RBFOX1: variants seen among roughly 807,000 people sequenced by gnomAD.
RBFOX1 encodes the protein RNA binding fox-1 homolog 1.
A neutral mutation model predicts 57.7 loss-of-function variants in RBFOX1; 8 were observed. The observed-to-expected ratio is 0.14, with a 90% CI of 0.08 to 0.25. The LOEUF is 0.25. RBFOX1 is among the 10% of genes least tolerant of loss of function. The pLI, the probability that RBFOX1 is intolerant of heterozygous loss-of-function variation, is 1.00. For synonymous variants in RBFOX1, 326 were observed against 222.4 expected (o/e 1.47, Z -4.15); for missense variants, 611 against 548.5 (o/e 1.11, Z -1.14).
At chr16:7,281,939 C>T (rs891010866) in intron 4 of RBFOX1, among the ~76,000 whole-genome samples, 3 of 152,166 alleles carry the variant, frequency 2.0e-5, no homozygotes, top group Admixed American at 6.5e-5. Context: ...AATTATAGCT[C>T]ACTGCAACCT....
At chr16:6,826,482 T>A (rs1028035320) in intron 3 of RBFOX1, among the ~76,000 whole-genome samples, 2 of 152,124 alleles carry the variant, frequency 1.3e-5, no homozygotes, top group Admixed American at 6.5e-5. Flanking sequence ...GAAAATAACC[T>A]AGAACAGTGC....
At chr16:6,597,339 A>G (rs970341071) in intron 2 of RBFOX1, among the ~76,000 whole-genome samples, 3 of 152,030 alleles carry the variant, frequency 2.0e-5, no homozygotes, top group Non-Finnish European at 4.4e-5. Context: ...TCCATTATCC[A>G]TCTGGATAAG....
intron 2 of RBFOX1, among the ~76,000 whole-genome samples, chr16:6,564,171 G>A (rs2097222822): frequency 1.3e-5 from 2 of 152,074 alleles, no homozygotes; most frequent in Admixed American, 6.6e-5. Flanking sequence ...AGCTTGATGA[G>A]GATAAAAGCC....
intron 1 of RBFOX1, among the ~76,000 whole-genome samples, chr16:6,266,337 A>G (rs2074484655): frequency 6.6e-6 from 1 of 152,210 alleles, no homozygotes; most frequent in African/African-American, 2.4e-5. Context: ...CCTGAATGAT[A>G]TTCCGTTGTG....
chr16:7,681,923 G>T (rs1158873656), intron 14 of RBFOX1, among the ~76,000 whole-genome samples: 1 of 152,078 alleles, frequency 6.6e-6, no homozygotes, highest in Non-Finnish European at 1.5e-5. Context: ...GTGATGTGTG[G>T]CAAGGAGAGA....
At chr16:6,765,295 A>C (rs890648401) in intron 3 of RBFOX1, among the ~76,000 whole-genome samples, 5 of 152,204 alleles carry the variant, frequency 3.3e-5, no homozygotes, top group South Asian at 2.1e-4. Flanking sequence ...ATATAGCTCA[A>C]GTTTACTTTG....
chr16:6,589,365 C>A (rs567224660), intron 2 of RBFOX1, among the ~76,000 whole-genome samples: 2 of 152,170 alleles, frequency 1.3e-5, no homozygotes, highest in African/African-American at 4.8e-5. Flanking sequence ...ATTAGTCTCC[C>A]TGAAAACCCA....
At chr16:5,836,633 C>T (rs1397207757) in intron 3 of RBFOX1, among the ~76,000 whole-genome samples, 1 of 152,220 alleles carries the variant, frequency 6.6e-6, no homozygotes, top group Non-Finnish European at 1.5e-5. Context: ...ATTTCTCAAA[C>T]TTTGCACTGT....
intron 3 of RBFOX1, among the ~76,000 whole-genome samples, chr16:5,668,583 C>T (rs998732001): frequency 1.1e-4 from 17 of 152,196 alleles, no homozygotes; most frequent in Non-Finnish European, 2.1e-4. Context: ...GATTAAACTG[C>T]AGCCTGGGAA....
intron 1 of RBFOX1, among the ~76,000 whole-genome samples, chr16:6,122,750 G>C (rs1332125087): frequency 6.6e-6 from 1 of 151,732 alleles, no homozygotes; most frequent in Non-Finnish European, 1.5e-5. Context: ...CGGGACCTTT[G>C]TCATCCATTC....
chr16:7,458,881 C>T (rs1241380262), intron 4 of RBFOX1, among the ~76,000 whole-genome samples: 1 of 152,204 alleles, frequency 6.6e-6, no homozygotes, highest in Non-Finnish European at 1.5e-5. Context: ...TCATTTGTGT[C>T]TGTCTTTCTG....
intron 3 of RBFOX1, among the ~76,000 whole-genome samples, chr16:6,731,629 T>G (rs2068621903): frequency 6.6e-6 from 1 of 151,886 alleles, no homozygotes; most frequent in Admixed American, 6.6e-5. Flanking sequence ...GGAGCTGGAG[T>G]GTAAACACCC....
At chr16:6,212,238 A>C (rs529327542) in intron 1 of RBFOX1, among the ~76,000 whole-genome samples, 7 of 152,298 alleles carry the variant, frequency 4.6e-5, no homozygotes, top group Non-Finnish European at 8.8e-5. Context: ...TTAATTGGTG[A>C]AAAAAGTTGT....
intron 3 of RBFOX1, among the ~76,000 whole-genome samples, chr16:6,924,817 G>T (rs1442631612): frequency 7.1e-6 from 1 of 139,876 alleles, no homozygotes; most frequent in Non-Finnish European, 1.6e-5. Flanking sequence ...ATCTCCTAAT[G>T]CTATCCCTCC....
intron 5 of RBFOX1, among the ~76,000 whole-genome samples, chr16:7,536,541 C>T (rs2081513144): frequency 6.6e-6 from 1 of 152,188 alleles, no homozygotes; most frequent in Non-Finnish European, 1.5e-5. Flanking sequence ...TTGCAGTGAG[C>T]CAAGATGGCA....
At chr16:6,930,007 C>T (rs759927541) in intron 3 of RBFOX1, among the ~76,000 whole-genome samples, 4 of 152,086 alleles carry the variant, frequency 2.6e-5, no homozygotes, top group East Asian at 1.9e-4. Flanking sequence ...AAAAACAGAG[C>T]GAGATCTCTC....
At chr16:5,805,993 A>G (rs893979664) in intron 3 of RBFOX1, among the ~76,000 whole-genome samples, 3 of 150,470 alleles carry the variant, frequency 2.0e-5, no homozygotes, top group Admixed American at 6.6e-5. Flanking sequence ...GTGAGTCAAT[A>G]AATGGTAATG....
intron 4 of RBFOX1, among the ~76,000 whole-genome samples, chr16:7,159,086 C>A (rs73548670): frequency 4.5e-4 from 69 of 152,032 alleles, no homozygotes; most frequent in African/African-American, 1.6e-3. Context: ...TCTATCATAT[C>A]AAGAATATTA....
intron 4 of RBFOX1, among the ~76,000 whole-genome samples, chr16:7,285,893 G>C (rs148587247): frequency 1.1e-3 from 166 of 152,308 alleles, no homozygotes; most frequent in African/African-American, 3.9e-3. Context: ...TCTGAGATAA[G>C]GGCTCAAGAA....
Sources: allele counts gnomAD v4.1 joint callset (sites outside exome capture counted in the v4.1 genomes callset), GRCh38; gene constraint gnomAD v4.1.1; transcripts MANE v1.5; gene names NCBI Gene and HGNC (gene_info 2026-07-23, HGNC 2026-07-21).